CEP41: variants seen among roughly 807,000 people sequenced by gnomAD.
CEP41 encodes centrosomal protein of 41 kDa.
In CEP41, 32 loss-of-function variants were observed where a neutral mutation model predicts 44.3. The observed-to-expected ratio is 0.72, with a 90% confidence interval of 0.54 to 0.97. The LOEUF (loss-of-function observed/expected upper bound fraction) is 0.97. Among genes scored for constraint, CEP41 ranks in the 50% least tolerant of loss-of-function variants. The probability of loss-of-function intolerance (pLI) is 0.00; values close to 1 mark genes in which losing one functional copy is unlikely to be tolerated. For missense variants in CEP41, 432 were observed against 455.2 expected (o/e 0.95, Z 0.46); for synonymous variants, 151 against 168.5 (o/e 0.90, Z 0.80).
At chr7:130,431,362 C>T (rs782335593) in intron 1 of CEP41, among the ~76,000 whole-genome samples, 28 of 152,158 alleles carry the variant, frequency 1.8e-4, no homozygotes, top group Non-Finnish European at 3.7e-4. Context: ...ACCAACCATT[C>T]ATTTGGTGGA....
chr7:130,409,469 CT>C (rs1432202842), intron 5 of CEP41, among the ~76,000 whole-genome samples: 1 of 152,204 alleles, frequency 6.6e-6, no homozygotes, highest in East Asian at 1.9e-4. Flanking sequence ...GCTCTTATTT[CT>C]CTGCTTTGTG....
intron 2 of CEP41, among the ~76,000 whole-genome samples, chr7:130,422,503 G>A: frequency 6.6e-6 from 1 of 152,148 alleles, no homozygotes; most frequent in Middle Eastern, 3.2e-3. Flanking sequence ...TGGCTAAAGG[G>A]CTGCAGGGAT....
At chr7:130,431,180 A>G (rs1001786732) in intron 1 of CEP41, among the ~76,000 whole-genome samples, 1 of 110,890 alleles carries the variant, frequency 9.0e-6, no homozygotes, top group Admixed American at 8.7e-5. Context: ...TGGGACTGAC[A>G]TACTTTTTTT....
chr7:130,424,144 T>A (rs1206359030), intron 2 of CEP41, among the ~76,000 whole-genome samples: 1 of 152,104 alleles, frequency 6.6e-6, no homozygotes, highest in Non-Finnish European at 1.5e-5. Flanking sequence ...TGCCTGTAAT[T>A]TCAGCACTTT....
Position 130,397,379 on chromosome 7 carries a change from G to A in CEP41, c.*1512C>T, listed in dbSNP as rs73721889. On this transcript the variant is annotated 3_prime_UTR_variant, in exon 11 of 11. Transcript: ENST00000223208. ...TGCACTTTGGAAATCAAGTAGAGAA[G>A]AATAAACACACTCTAAAACAGAACT... 1,181 of 454,152 alleles carry A rather than the reference G, an allele frequency of 2.6e-3. 13 individuals carry two copies. The highest frequency in any genetic ancestry group is 0.022 in the African/African-American group (1,096 of 50,010). 28.1% of individuals were successfully genotyped at this position (454,152 alleles called of 1,614,324 possible). A position where few individuals can be genotyped will look rare whatever the true frequency, so the allele number is the denominator to read the frequency against.
chr7:130,410,381 T>G (rs556562089), intron 5 of CEP41, among the ~76,000 whole-genome samples: 3 of 152,074 alleles, frequency 2.0e-5, no homozygotes, highest in Admixed American at 6.5e-5. Context: ...TTTCCTTCCT[T>G]GGAACTCTCC....
intron 5 of CEP41, among the ~76,000 whole-genome samples, chr7:130,409,259 C>T (rs1554418889): frequency 1.3e-5 from 2 of 152,014 alleles, no homozygotes; most frequent in East Asian, 3.9e-4. Flanking sequence ...ACTAATATTA[C>T]TCACACATTA....
chr7:130,406,455 G>A (rs1256759746), intron 5 of CEP41, among the ~76,000 whole-genome samples: 7 of 151,988 alleles, frequency 4.6e-5, no homozygotes, highest in Non-Finnish European at 1.0e-4. Context: ...GTGCTGGCAG[G>A]CACCTGTAAT....
At chr7:130,432,527 G>A (rs1255364217) in intron 1 of CEP41, among the ~76,000 whole-genome samples, 2 of 149,756 alleles carry the variant, frequency 1.3e-5, no homozygotes, top group Non-Finnish European at 3.0e-5. Context: ...CAAAGTGGGA[G>A]GATCGCTTGA....
intron 5 of CEP41, among the ~76,000 whole-genome samples, chr7:130,408,291 A>T (rs956352363): frequency 8.5e-5 from 13 of 152,188 alleles, no homozygotes; most frequent in Non-Finnish European, 1.8e-4. Flanking sequence ...ATAGCCTGGA[A>T]ATTGTTCCAA....
chr7:130,405,147 C>T (rs1796972218), intron 5 of CEP41, among the ~76,000 whole-genome samples: 1 of 152,182 alleles, frequency 6.6e-6, no homozygotes, highest in Non-Finnish European at 1.5e-5. Context: ...CTTATTACAT[C>T]TCACCTTGAA....
At chr7:130,427,907 A>C (rs1797711208) in intron 2 of CEP41, 48 bp downstream of exon 2, 2 of 1,277,986 alleles carry the variant, frequency 1.6e-6, no homozygotes, top group Non-Finnish European at 2.3e-6. Context: ...TCTGTCAATA[A>C]TTAGCTATTA....
At chr7:130,430,242 A>G (rs1333089689) in intron 1 of CEP41, among the ~76,000 whole-genome samples, 4 of 152,186 alleles carry the variant, frequency 2.6e-5, no homozygotes, top group Non-Finnish European at 4.4e-5. Flanking sequence ...ACCAAAGCAA[A>G]AGCCTCACAA....
chr7:130,405,579 A>AT (rs1293878823), intron 5 of CEP41, among the ~76,000 whole-genome samples: 17 of 152,106 alleles, frequency 1.1e-4, no homozygotes, highest in East Asian at 3.9e-4. Flanking sequence ...AATATATGTG[A>AT]TTTTTTTGAC....
At chr7:130,436,199 C>A (rs1385638455) in intron 1 of CEP41, among the ~76,000 whole-genome samples, 2 of 152,000 alleles carry the variant, frequency 1.3e-5, no homozygotes, top group Non-Finnish European at 2.9e-5. Flanking sequence ...TACATTCATA[C>A]CACAGAATAC....
Position 130,432,136 on chromosome 7 carries a change from T to C in CEP41, c.34-4118A>G, listed in dbSNP as rs1356186897. On this transcript the variant is annotated intron_variant, in intron 1 of 10. Coordinates refer to ENST00000223208, the MANE Select transcript of CEP41 (RefSeq NM_018718.3). The stretch of plus-strand genomic sequence containing the variant: ...GTTTGAAGGAGGAGTGACAAGATTA[T>C]ATTTCTGTCTTAGAAAGGTGACCCT... Among the ~76,000 whole-genome samples the C allele has an allele frequency of 3.3e-5, 5 of 151,916 alleles. No individual in the cohort carries two copies. In the South Asian group the frequency reaches 1.0e-3, roughly 32 times the overall value.
rs11383323 is a variant in CEP41 at position 130,413,590 on chromosome 7, C to CAA, written c.146-1352_146-1351dup. Among the ~76,000 whole-genome samples the CAA allele has an allele frequency of 1.5e-3, 220 of 146,918 alleles. 1 individual carries two copies. The highest frequency in any genetic ancestry group is 2.4e-3 in the South Asian group (11 of 4,632). On this transcript the variant is annotated intron_variant, in intron 3 of 10. Coordinates refer to ENST00000223208, the MANE Select transcript of CEP41 (RefSeq NM_018718.3). ...TGAAACTGTGTCACAAAAAAAAAAA[C>CAA]AAAAAAAAAACTTAAAACATCAATA...
chr7:130,400,588 C>T (rs1432882689), intron 9 of CEP41, 119 bp downstream of exon 9: 8 of 754,672 alleles, frequency 1.1e-5, no homozygotes, highest in Non-Finnish European at 1.4e-5. Flanking sequence ...TTTCAGCCAG[C>T]ATGGCTTTTT....
At chr7:130,441,580 T>G (rs1321147416), upstream of CEP41, among the ~76,000 whole-genome samples, 1 of 152,264 alleles carries the variant, frequency 6.6e-6, no homozygotes, top group East Asian at 1.9e-4. Context: ...AGGCTAGCTA[T>G]AGAGCGACAT....
Sources: gnomAD v4.1 joint callset for allele counts (sites outside exome capture counted in the v4.1 genomes callset) on GRCh38, gnomAD v4.1.1 for gene constraint, MANE v1.5 for transcripts, NCBI Gene and HGNC (gene_info 2026-07-23, HGNC 2026-07-21) for gene names.